BRAF: variants seen among roughly 807,000 people sequenced by gnomAD.
The protein encoded by BRAF is B-Raf proto-oncogene, serine/threonine kinase, also known as serine/threonine-protein kinase B-raf.
BRAF carries 16 observed loss-of-function variants against 104.6 expected under a neutral mutation model. That is an observed-to-expected ratio of 0.15 (90% CI 0.10 to 0.23). The LOEUF (loss-of-function observed/expected upper bound fraction) is 0.23, where lower values mean the gene tolerates loss of function less well. Ranked by LOEUF, BRAF falls within the 10% of genes least tolerant of loss-of-function variation. The pLI, the probability that BRAF is intolerant of heterozygous loss-of-function variation, is 1.00. For missense variants in BRAF, 541 were observed against 937.3 expected, an observed-to-expected ratio of 0.58 and a Z score of 5.52; for synonymous variants, 310 against 341.6, an observed-to-expected ratio of 0.91 and a Z score of 1.02.
intron 10 of BRAF, chr7:140,783,571 AC>A: frequency 8.6e-6 from 2 of 231,280 alleles, no homozygotes; most frequent in East Asian, 1.2e-4. Context: ...TATTACCTCA[AC>A]AGCCAATCAA....
chr7:140,791,501 T>C (rs1801969444), intron 8 of BRAF, among the ~76,000 whole-genome samples: 1 of 152,214 alleles, frequency 6.6e-6, no homozygotes, highest in Admixed American at 6.5e-5. Flanking sequence ...CCAATGTTAA[T>C]GTTTATCAGG....
chr7:140,901,267 C>T (rs17161767), intron 1 of BRAF, among the ~76,000 whole-genome samples: 16,855 of 152,098 alleles, frequency 0.11, 1,131 homozygotes, highest in South Asian at 0.19. Flanking sequence ...AGTACTTAAC[C>T]TGTATTTCAG....
chr7:140,924,681 C>T lies in BRAF; in HGVS notation c.23G>A (p.Gly8Asp). 8.6e-7 allele frequency: 1 copy of T among 1,169,530 alleles called. No homozygotes were observed. Among genetic ancestry groups the T allele is most frequent in the Non-Finnish European group, 1.2e-6 (1 of 825,402 alleles). The allele number at this position is 1,169,530 out of a possible 1,614,324, so 72.4% of individuals were successfully genotyped here. ...CTGGCCCGGCTCCGCGCCGCCACCA[C>T]CGCCACCGCTCAGCGCCGCCATCTT... is the stretch of plus-strand genomic sequence containing the variant. MAALSGG[G>D]GGGAEPGQAL... The change falls in exon 1 of 20, where the codon GGT becomes GAT. Residue 8 changes from glycine (G) to aspartate (D), a missense_variant. Physicochemically the swap from Gly to Asp is moderately conservative, Grantham distance 94. Around this residue, in one of 10 missense-constraint regions of BRAF, gnomAD observed 82 missense variants for 65.9 expected, o/e 1.24. Coordinates refer to ENST00000644969, the MANE Select transcript of BRAF (RefSeq NM_001374258.1). This position sits in a 1 kb window ranked among gnomAD's most constrained non-coding sequence, Gnocchi z 4.2.
At chr7:140,895,287 A>T (rs1814755044) in intron 1 of BRAF, among the ~76,000 whole-genome samples, 1 of 152,242 alleles carries the variant, frequency 6.6e-6, no homozygotes, top group Non-Finnish European at 1.5e-5. Context: ...TAGGATTTTT[A>T]AAAATGCCCA....
At chr7:140,845,867 G>A (rs1250046126) in intron 2 of BRAF, among the ~76,000 whole-genome samples, 1 of 152,066 alleles carries the variant, frequency 6.6e-6, no homozygotes, top group Admixed American at 6.5e-5. Flanking sequence ...TTTTAGTAGA[G>A]ACAGGATTTC....
At chr7:140,873,812 G>C (rs1043130739) in intron 1 of BRAF, among the ~76,000 whole-genome samples, 3 of 152,144 alleles carry the variant, frequency 2.0e-5, no homozygotes, top group Non-Finnish European at 4.4e-5. Context: ...AGGCAACATG[G>C]TGGCCTGAAG....
intron 3 of BRAF, among the ~76,000 whole-genome samples, chr7:140,819,126 C>T (rs890425984): frequency 4.6e-5 from 7 of 152,050 alleles, no homozygotes; most frequent in Non-Finnish European, 8.8e-5. Context: ...CTTTTCTGTC[C>T]GATTTCTATT....
Position 140,827,515 on chromosome 7 carries a change from C to G in BRAF, c.504+7094G>C, listed in dbSNP as rs536457083. ...ACTTTATTTAGAGTACTGTCAAAGACAGTCAAGTTTATTGTTATCTTTATG... is the reference window on the plus strand; with the variant it reads ...ACTTTATTTAGAGTACTGTCAAAGAGAGTCAAGTTTATTGTTATCTTTATG... On this transcript the variant is annotated intron_variant, in intron 3 of 19. Coordinates refer to ENST00000644969, the MANE Select transcript of BRAF (RefSeq NM_001374258.1). Among the ~76,000 whole-genome samples the G allele has an allele frequency of 5.8e-4, 88 of 152,184 alleles. 1 individual carries two copies. Among genetic ancestry groups the G allele is most frequent in the Admixed American group, 3.3e-4 (5 of 15,286 alleles).
intron 8 of BRAF, among the ~76,000 whole-genome samples, chr7:140,790,268 C>T (rs980092059): frequency 6.6e-6 from 1 of 152,184 alleles, no homozygotes; most frequent in Admixed American, 6.5e-5. Context: ...CAAGTTACTG[C>T]TAGTAACAAC....
intron 14 of BRAF, among the ~76,000 whole-genome samples, chr7:140,776,465 T>A (rs1800345199): frequency 6.6e-6 from 1 of 152,192 alleles, no homozygotes; most frequent in Admixed American, 6.5e-5. Flanking sequence ...CACTCTGAAA[T>A]CCTCAAAAAG....
Position 140,722,935 on chromosome 7 carries a change from T to A in BRAF, c.*3559A>T. 1 of 1,055,508 alleles carries A rather than the reference T, an allele frequency of 9.5e-7. No individual in the cohort carries two copies. The highest frequency in any genetic ancestry group is 1.1e-6 in the Non-Finnish European group (1 of 873,276). 65.4% of individuals were successfully genotyped at this position (1,055,508 alleles called of 1,614,324 possible). A position where few individuals can be genotyped will look rare whatever the true frequency, so the allele number is the denominator to read the frequency against. On this transcript the variant is annotated 3_prime_UTR_variant, in exon 20 of 20. Coordinates refer to ENST00000644969, the MANE Select transcript of BRAF (RefSeq NM_001374258.1). ...TTTTTTTACAGTATTACTGCTTAAA[T>A]GTATAATGCCCTTTAGGACAAAATG... is the stretch of plus-strand genomic sequence containing the variant.
rs553147530 is a variant in BRAF, at chr7:140,863,420, A to G, written c.139-13208T>C. On this transcript the variant is annotated intron_variant, in intron 1 of 19. Transcript: ENST00000644969. ...TAGGCAATATGCCAGGTTATGAAGG[A>G]TCCTGAAAGCCACGGTAAGTAGAGT... Among the ~76,000 whole-genome samples the G allele has an allele frequency of 1.1e-4, 16 of 152,346 alleles. No individual in the cohort carries two copies. In the South Asian group the frequency reaches 1.4e-3, roughly 14 times the overall value.
chr7:140,754,312 T>TG, intron 14 of BRAF, 79 bp from the exon 14 acceptor site: 1 of 1,226,742 alleles, frequency 8.2e-7, no homozygotes, highest in Non-Finnish European at 1.2e-6. Context: ...TACTTGGGGG[T>TG]GTAAAGACTT....
chr7:140,759,661 G>A (rs1469073145), intron 14 of BRAF, among the ~76,000 whole-genome samples: 4 of 152,190 alleles, frequency 2.6e-5, no homozygotes, highest in Non-Finnish European at 5.9e-5. Flanking sequence ...GCTGGGATTA[G>A]AGGCGTGAGC....
At chr7:140,772,782 C>T (rs1586105284) in intron 14 of BRAF, among the ~76,000 whole-genome samples, 1 of 152,108 alleles carries the variant, frequency 6.6e-6, no homozygotes, top group Admixed American at 6.6e-5. Context: ...AAAAATTTAT[C>T]TAAGTGTCCC....
Position 140,898,705 on chromosome 7 carries a change from T to G in BRAF, c.138+25861A>C, listed in dbSNP as rs567140397. ...TTTGTCCTTAATCACATCCACTTTC[T>G]CTCCTCCCTGAGGTAGTCACTATCA... On this transcript the variant is annotated intron_variant, in intron 1 of 19. Coordinates refer to ENST00000644969, the MANE Select transcript of BRAF (RefSeq NM_001374258.1). 4.0e-4 allele frequency among the ~76,000 whole-genome samples: 61 copies of G among 152,318 alleles called. No homozygotes were observed. In the Middle Eastern group the frequency reaches 0.014, roughly 34 times the overall value.
intron 3 of BRAF, among the ~76,000 whole-genome samples, chr7:140,822,941 G>C (rs1008929499): frequency 6.6e-6 from 1 of 152,218 alleles, no homozygotes; most frequent in East Asian, 1.9e-4. Flanking sequence ...TCCTGCTTCA[G>C]CCTCTCAGGT....
downstream of BRAF, among the ~76,000 whole-genome samples, chr7:140,717,024 C>T (rs1247257216): frequency 6.6e-6 from 1 of 152,162 alleles, no homozygotes; most frequent in Non-Finnish European, 1.5e-5. Flanking sequence ...AGTGTCTTCC[C>T]AGATTGGTGA....
At chr7:140,733,585 T>G (rs187598683) in intron 19 of BRAF, 6 of 152,192 alleles carry the variant, frequency 3.9e-5, no homozygotes, top group African/African-American at 1.4e-4. Context: ...GAGAAGAGCA[T>G]TCATTCATCA....
Sources: gnomAD v4.1 joint callset for allele counts (sites outside exome capture counted in the v4.1 genomes callset) on GRCh38, gnomAD v4.1.1 for gene constraint, gnomAD v4.1.1 regional missense constraint, Gnocchi (gnomAD v3.1) non-coding constraint, MANE v1.5 for transcripts, NCBI Gene and HGNC (gene_info 2026-07-23, HGNC 2026-07-21) for gene names.